HDAC9: variants seen among roughly 807,000 people sequenced by gnomAD.
HDAC9 encodes histone deacetylase 9.
Under a neutral mutation model 139.4 loss-of-function variants are expected in HDAC9, and 41 were observed. The ratio of observed to expected loss-of-function variants is 0.29; its 90% CI spans 0.23 to 0.38. The LOEUF is 0.38. Ranked by LOEUF, HDAC9 falls within the 10% of genes least tolerant of loss-of-function variation. The pLI is 1.00. For synonymous variants in HDAC9, 517 were observed against 476.2 expected (o/e 1.09, Z -1.12); for missense variants, 1,147 against 1,297.0 (o/e 0.88, Z 1.78).
intron 2 of HDAC9, among the ~76,000 whole-genome samples, chr7:18,223,462 T>G (rs899352040): frequency 6.0e-5 from 9 of 150,182 alleles, no homozygotes; most frequent in Non-Finnish European, 1.2e-4. Flanking sequence ...AGCAACCCAA[T>G]GAACAGAATA....
At chr7:18,418,001 ACT>A (rs1789246889) in intron 1 of HDAC9, among the ~76,000 whole-genome samples, 1 of 151,072 alleles carries the variant, frequency 6.6e-6, no homozygotes, top group Non-Finnish European at 1.5e-5. Context: ...GCTCCCCCGG[ACT>A]CTCCCTCCCT....
intron 1 of HDAC9, chr7:18,458,844 C>G (rs1194902051): frequency 6.5e-7 from 1 of 1,534,080 alleles, no homozygotes; most frequent in East Asian, 2.4e-5. Flanking sequence ...CCCCACAGAC[C>G]TCATGTGGAA....
At chr7:18,500,624 GT>G (rs1357001887) in intron 2 of HDAC9, among the ~76,000 whole-genome samples, 2 of 152,126 alleles carry the variant, frequency 1.3e-5, no homozygotes, top group Admixed American at 1.3e-4. Context: ...GGTTGTTCTT[GT>G]TTTCTCTTGT....
chr7:18,179,167 A>G (rs1789189232), intron 2 of HDAC9, among the ~76,000 whole-genome samples: 1 of 152,270 alleles, frequency 6.6e-6, no homozygotes, highest in Non-Finnish European at 1.5e-5. Context: ...TCTTTCATTC[A>G]GAGTTCTCTG....
At chr7:18,591,205 T>A (rs1163168848) in intron 4 of HDAC9, among the ~76,000 whole-genome samples, 4 of 152,204 alleles carry the variant, frequency 2.6e-5, no homozygotes, top group Admixed American at 2.6e-4. Flanking sequence ...TCTGCAGTAT[T>A]TTTTAAACTT....
chr7:18,824,827 G>A (rs1193128373), intron 17 of HDAC9, among the ~76,000 whole-genome samples: 1 of 152,172 alleles, frequency 6.6e-6, no homozygotes, highest in African/African-American at 2.4e-5. Context: ...AATAATTACT[G>A]GAGGAGTAAT....
At chr7:18,536,695 A>G (rs560747863) in intron 2 of HDAC9, among the ~76,000 whole-genome samples, 37 of 152,264 alleles carry the variant, frequency 2.4e-4, no homozygotes, top group African/African-American at 8.7e-4. Context: ...TTCTGGATAT[A>G]TAAGAGCTCT....
At chr7:18,379,628 C>T (rs1019778480) in intron 1 of HDAC9, among the ~76,000 whole-genome samples, 2 of 152,140 alleles carry the variant, frequency 1.3e-5, no homozygotes, top group South Asian at 4.1e-4. Flanking sequence ...TTAAGATTAA[C>T]CTTAAGTATG....
intron 2 of HDAC9, among the ~76,000 whole-genome samples, chr7:18,525,133 C>T (rs1218266435): frequency 1.3e-5 from 2 of 151,868 alleles, no homozygotes; most frequent in Non-Finnish European, 2.9e-5. Flanking sequence ...GATTTCCATG[C>T]AATAATGTGT....
intron 6 of HDAC9, among the ~76,000 whole-genome samples, chr7:18,599,361 A>G (rs753305957): frequency 6.6e-6 from 1 of 152,196 alleles, no homozygotes; most frequent in African/African-American, 2.4e-5. Context: ...GTAAGATTCT[A>G]TGAGATTTAA....
chr7:18,554,220 T>C lies in HDAC9; in HGVS notation c.23-31061T>C, dbSNP rs1013064806. 3.3e-5 allele frequency among the ~76,000 whole-genome samples: 5 copies of C among 151,638 alleles called. No homozygotes were observed. In the East Asian group the frequency reaches 9.7e-4, roughly 29 times the overall value. ...TTATAGAACTGTATTGTCTATATTG[T>C]CGAAACTATGTTAAAGGAATGATGC... On this transcript the variant is annotated intron_variant, in intron 2 of 25. Transcript: ENST00000686413.
At chr7:18,165,111 C>T (rs951378629) in intron 2 of HDAC9, among the ~76,000 whole-genome samples, 17 of 152,278 alleles carry the variant, frequency 1.1e-4, no homozygotes, top group Non-Finnish European at 2.1e-4. Context: ...AGTATGGATA[C>T]TATTTCTAGT....
At chr7:18,824,444 T>C (rs537150365) in intron 17 of HDAC9, among the ~76,000 whole-genome samples, 1 of 152,178 alleles carries the variant, frequency 6.6e-6, no homozygotes, top group Non-Finnish European at 1.5e-5. Flanking sequence ...AACATGGTGG[T>C]GGGGGTGATT....
chr7:18,130,610 A>G (rs915485271), intron 1 of HDAC9, among the ~76,000 whole-genome samples: 15 of 152,124 alleles, frequency 9.9e-5, no homozygotes, highest in Admixed American at 3.9e-4. Flanking sequence ...ACTACAATCA[A>G]TTTTAGAACA....
At chr7:18,981,984 G>A (rs951534234) in intron 25 of HDAC9, among the ~76,000 whole-genome samples, 2 of 152,056 alleles carry the variant, frequency 1.3e-5, no homozygotes, top group Non-Finnish European at 2.9e-5. Context: ...ATAGGCCAAG[G>A]ACTGGGGAGC....
intron 1 of HDAC9, among the ~76,000 whole-genome samples, chr7:18,384,532 T>A (rs1785736982): frequency 6.6e-6 from 1 of 152,190 alleles, no homozygotes; most frequent in Non-Finnish European, 1.5e-5. Flanking sequence ...ATATTCAATA[T>A]TTTTTCCTTA....
In HDAC9 at chr7:18,087,880, C is replaced by A. The variant is rs1583961527; in HGVS notation, c.-97+667C>A. 3 of 152,372 alleles carry A rather than the reference C, an allele frequency of 2.0e-5. No homozygotes were observed. The South Asian group carries it at 6.2e-4, about 32-fold the overall frequency. 9.4% of individuals were successfully genotyped at this position (152,372 alleles called of 1,614,324 possible). A position where few individuals can be genotyped will look rare whatever the true frequency, so the allele number is the denominator to read the frequency against. On this transcript the variant is annotated intron_variant, in intron 1 of 12. Transcript: ENST00000417496. ...GCTTTGAAGCCGTTATCCCCTTGTCCGCAATGAGAGGTGCTGGTGTCAGGC... is the reference window on the plus strand; with the variant it reads ...GCTTTGAAGCCGTTATCCCCTTGTCAGCAATGAGAGGTGCTGGTGTCAGGC...
intron 11 of HDAC9, among the ~76,000 whole-genome samples, chr7:18,659,278 G>T (rs1792371751): frequency 6.6e-6 from 1 of 152,048 alleles, no homozygotes; most frequent in South Asian, 2.1e-4. Context: ...TTTACACAGA[G>T]GTGAACTTAA....
At chr7:18,217,542 T>A (rs555327928) in intron 2 of HDAC9, among the ~76,000 whole-genome samples, 3 of 152,328 alleles carry the variant, frequency 2.0e-5, no homozygotes, top group African/African-American at 7.2e-5. Flanking sequence ...CTTTTAAAGT[T>A]TGCTAATTTA....
Sources: gnomAD v4.1 joint callset for allele counts (sites outside exome capture counted in the v4.1 genomes callset) on GRCh38, gnomAD v4.1.1 for gene constraint, MANE v1.5 for transcripts, NCBI Gene and HGNC (gene_info 2026-07-23, HGNC 2026-07-21) for gene names.